Variants in BCL2L11 observed in about 807,000 individuals in gnomAD.
BCL2L11 encodes bcl-2-like protein 11.
BCL2L11 carries 15 observed loss-of-function variants against 20.6 expected under a neutral mutation model. The observed-to-expected ratio is 0.73, with a 90% CI of 0.49 to 1.12. The LOEUF (loss-of-function observed/expected upper bound fraction) is 1.12. BCL2L11 is among the 50% of genes most tolerant of loss of function. The probability of loss-of-function intolerance (pLI) is 0.00; values close to 1 mark genes in which losing one functional copy is unlikely to be tolerated. For synonymous variants in BCL2L11, 108 were observed against 92.8 expected (o/e 1.16, Z -0.94); for missense variants, 292 against 260.9 (o/e 1.12, Z -0.82).
At chr2:111,125,981 C>T (rs544358154) in intron 2 of BCL2L11, among the ~76,000 whole-genome samples, 3 of 152,086 alleles carry the variant, frequency 2.0e-5, no homozygotes, top group Non-Finnish European at 2.9e-5. Flanking sequence ...TGGTGTGTAT[C>T]GTGAAACACA....
At chr2:111,136,809 A>G (rs749877396) in intron 2 of BCL2L11, among the ~76,000 whole-genome samples, 8 of 152,208 alleles carry the variant, frequency 5.3e-5, no homozygotes, top group Non-Finnish European at 1.2e-4. Context: ...TGTAACGTTT[A>G]TACCATAGCA....
intron 3 of BCL2L11, among the ~76,000 whole-genome samples, chr2:111,155,473 A>G (rs768569693): frequency 1.3e-5 from 2 of 152,154 alleles, no homozygotes; most frequent in African/African-American, 4.8e-5. Flanking sequence ...AGTCTTGACC[A>G]TGGGCTGGGG....
chr2:111,163,902 TC>T (rs1362314590), intron 3 of BCL2L11, among the ~76,000 whole-genome samples: 2 of 141,044 alleles, frequency 1.4e-5, no homozygotes, highest in African/African-American at 2.7e-5. Context: ...AAGGAGTAAA[TC>T]ATTGGTATGC....
At chr2:111,124,196 G>A (rs2150147061) in intron 2 of BCL2L11, 57 bp downstream of exon 2, 1 of 1,484,750 alleles carries the variant, frequency 6.7e-7, no homozygotes, top group Non-Finnish European at 9.1e-7. Flanking sequence ...TCTGCTTGAA[G>A]GCTGTGTGTG....
chr2:111,154,563 A>G (rs2077615316), intron 3 of BCL2L11, among the ~76,000 whole-genome samples: 1 of 152,172 alleles, frequency 6.6e-6, no homozygotes, highest in Non-Finnish European at 1.5e-5. Context: ...CTGCATGATG[A>G]GACTCAGGTT....
intron 1 of BCL2L11, among the ~76,000 whole-genome samples, chr2:111,121,798 C>T (rs1451422525): frequency 6.6e-6 from 1 of 152,242 alleles, no homozygotes; most frequent in Non-Finnish European, 1.5e-5. Flanking sequence ...TGCAGGAGTC[C>T]TGCGGCCTGT....
At chr2:111,139,916 TCTC>T (rs940702928) in intron 2 of BCL2L11, among the ~76,000 whole-genome samples, 45 of 152,362 alleles carry the variant, frequency 3.0e-4, no homozygotes, top group African/African-American at 9.4e-4. Context: ...GGCACGCAGC[TCTC>T]CTCCTGTTCT....
chr2:111,125,080 C>G (rs758196637), intron 2 of BCL2L11, among the ~76,000 whole-genome samples: 17 of 152,168 alleles, frequency 1.1e-4, no homozygotes, highest in Admixed American at 6.5e-5. Flanking sequence ...GTATTTGCCC[C>G]TTCTATGTTT....
chr2:111,161,043 G>C lies in BCL2L11; in HGVS notation c.499-3090G>C, dbSNP rs982812717. ...AGACCTGTAGATGCTGTCATCCCCT[G>C]TGTCTTCACGTGGTCTCCCTCCGTG... On this transcript the variant is annotated intron_variant, in intron 3 of 3. Transcript: ENST00000393256. Among the ~76,000 whole-genome samples the C allele has an allele frequency of 1.5e-4, 23 of 152,254 alleles. No homozygotes were observed. In the South Asian group the frequency reaches 4.6e-3, roughly 30 times the overall value.
rs749985835 is a variant in BCL2L11, at chr2:111,165,809, C to G, written c.*1578C>G. On this transcript the variant is annotated 3_prime_UTR_variant, in exon 4 of 4. Coordinates refer to ENST00000393256, the MANE Select transcript of BCL2L11 (RefSeq NM_138621.5). Reference sequence around the variant, plus strand: ...ATAACTAAATTTTCAAATGAGTAAGCAGTGCCACCAACTAGTGTTTTGCCC... The same window carrying G: ...ATAACTAAATTTTCAAATGAGTAAGGAGTGCCACCAACTAGTGTTTTGCCC... 1.3e-5 allele frequency: 2 copies of G among 152,164 alleles called. No individual in the cohort carries two copies. Among genetic ancestry groups the G allele is most frequent in the Non-Finnish European group, 2.9e-5 (2 of 68,032 alleles). 9.4% of individuals were successfully genotyped at this position (152,164 alleles called of 1,614,324 possible). A position where few individuals can be genotyped will look rare whatever the true frequency, so the allele number is the denominator to read the frequency against.
chr2:111,128,844 G>T, intron 2 of BCL2L11: 1 of 1,424,972 alleles, frequency 7.0e-7, no homozygotes, highest in South Asian at 1.5e-5. Context: ...TTTTAATATT[G>T]ACTTTCTCTG....
chr2:111,159,553 G>A (rs6727080), intron 3 of BCL2L11, among the ~76,000 whole-genome samples: 1,832 of 152,332 alleles, frequency 0.012, 37 homozygotes, highest in African/African-American at 0.042. Flanking sequence ...GTTGTCTGCT[G>A]TTCAACCTGA....
In BCL2L11 at chr2:111,142,468, T is replaced by TC. The variant is rs2075973937; in HGVS notation, c.395-7575dup. 9.7e-6 allele frequency: 11 copies of TC among 1,131,052 alleles called. No individual in the cohort carries two copies. In the Admixed American group the frequency reaches 2.0e-4, roughly 21 times the overall value. The allele number at this position is 1,131,052 out of a possible 1,614,324, so 70.1% of individuals were successfully genotyped here. ...TTTGTGACTTTTAAGTGAGAAGCTT[T>TC]CATTATGTCTTAGCCCTACAGTGTG... On this transcript the variant is annotated intron_variant, in intron 2 of 3. Transcript: ENST00000393256.
chr2:111,142,290 T>C (rs933556491), intron 2 of BCL2L11: 2 of 1,545,574 alleles, frequency 1.3e-6, no homozygotes, highest in East Asian at 2.4e-5. Flanking sequence ...AATTTATTTA[T>C]ACAACATTTT....
chr2:111,155,367 G>A (rs1257119038), intron 3 of BCL2L11, among the ~76,000 whole-genome samples: 3 of 152,246 alleles, frequency 2.0e-5, no homozygotes, highest in Admixed American at 6.5e-5. Context: ...CGCATGTACC[G>A]GTTCATCTGC....
chr2:111,128,842 T>A (rs750761366), intron 2 of BCL2L11: 2 of 1,432,538 alleles, frequency 1.4e-6, no homozygotes, highest in Non-Finnish European at 1.8e-6. Flanking sequence ...TATTTTAATA[T>A]TGACTTTCTC....
At chr2:111,152,034 A>C in intron 3 of BCL2L11, 1 of 711,118 alleles carries the variant, frequency 1.4e-6, no homozygotes, top group Non-Finnish European at 2.4e-6. Context: ...TTGACTAGGA[A>C]GAACTGGTGA....
chr2:111,135,695 G>A (rs1225687170), intron 2 of BCL2L11, among the ~76,000 whole-genome samples: 1 of 152,216 alleles, frequency 6.6e-6, no homozygotes, highest in African/African-American at 2.4e-5. Flanking sequence ...GACACCCAAG[G>A]CTGGGGCTGG....
chr2:111,144,520 G>A, intron 2 of BCL2L11: 1 of 1,550,536 alleles, frequency 6.4e-7, no homozygotes, highest in Middle Eastern at 1.7e-4. Context: ...CCATCACCCA[G>A]GTGAGTTTTA....
Sources: gnomAD v4.1 joint callset for allele counts (sites outside exome capture counted in the v4.1 genomes callset) on GRCh38, gnomAD v4.1.1 for gene constraint, MANE v1.5 for transcripts, NCBI Gene and HGNC (gene_info 2026-07-23, HGNC 2026-07-21) for gene names.